The following CCDC148 variants were observed in gnomAD, a reference collection of about 807,000 sequenced individuals.
CCDC148 encodes the protein coiled-coil domain containing 148.
A neutral mutation model predicts 85.7 loss-of-function variants in CCDC148; 89 were observed. That is an observed-to-expected ratio of 1.04 (90% CI 0.87 to 1.24). CCDC148 has a LOEUF of 1.24. Among genes scored for constraint, CCDC148 ranks in the 50% most tolerant of loss-of-function variants. The pLI is 0.00. For missense variants in CCDC148, 692 were observed against 671.7 expected, an observed-to-expected ratio of 1.03 and a Z score of -0.33; for synonymous variants, 230 against 213.9, an observed-to-expected ratio of 1.08 and a Z score of -0.66.
chr2:158,315,995 C>A (rs561350209), intron 7 of CCDC148, among the ~76,000 whole-genome samples: 2 of 152,316 alleles, frequency 1.3e-5, no homozygotes, highest in Admixed American at 6.5e-5. Flanking sequence ...TCCTTCACAG[C>A]CCTCCCTCTG....
At chr2:158,278,207 C>T (rs889045188) in intron 9 of CCDC148, among the ~76,000 whole-genome samples, 23 of 152,196 alleles carry the variant, frequency 1.5e-4, no homozygotes, top group South Asian at 8.3e-4. Context: ...ACGCAGAAGA[C>T]GGGTGATTTC....
chr2:158,319,190 T>G (rs1270666226), intron 7 of CCDC148, among the ~76,000 whole-genome samples: 1 of 152,166 alleles, frequency 6.6e-6, no homozygotes, highest in African/African-American at 2.4e-5. Context: ...CTCCCACCCC[T>G]GCTCCTGCCC....
chr2:158,262,993 C>A (rs750994252), intron 9 of CCDC148, among the ~76,000 whole-genome samples: 4 of 152,014 alleles, frequency 2.6e-5, no homozygotes, highest in Non-Finnish European at 5.9e-5. Flanking sequence ...TACGTGATTT[C>A]AATAGGAAAC....
chr2:158,226,893 C>T (rs374759816), intron 10 of CCDC148, among the ~76,000 whole-genome samples: 5 of 152,230 alleles, frequency 3.3e-5, no homozygotes, highest in Admixed American at 1.3e-4. Context: ...TGAAAACTGG[C>T]ACAAGACAGG....
At chr2:158,261,309 T>C (rs1689212285) in intron 9 of CCDC148, among the ~76,000 whole-genome samples, 1 of 152,080 alleles carries the variant, frequency 6.6e-6, no homozygotes, top group Non-Finnish European at 1.5e-5. Context: ...GATAACTGGC[T>C]AGCCATATGC....
chr2:158,177,323 A>C (rs1160280505), intron 12 of CCDC148, among the ~76,000 whole-genome samples: 1 of 152,112 alleles, frequency 6.6e-6, no homozygotes, highest in Non-Finnish European at 1.5e-5. Context: ...TTTGTAAATG[A>C]TATGCACCAT....
In CCDC148 at chr2:158,243,863, C is replaced by T. The variant is rs143688728; in HGVS notation, c.1251+6909G>A. On this transcript the variant is annotated intron_variant, in intron 10 of 13. Coordinates refer to ENST00000283233, the MANE Select transcript of CCDC148 (RefSeq NM_138803.4). The stretch of plus-strand genomic sequence containing the variant: ...TCTCTTTTCTTTTTACTATAAGCAG[C>T]AGAAAGAATCCAGGTGGCACCTTCA... Among the ~76,000 whole-genome samples, 1,303 of 150,602 alleles carry T rather than the reference C, an allele frequency of 8.7e-3. 11 individuals carry two copies. Among genetic ancestry groups the T allele is most frequent in the South Asian group, 0.015 (71 of 4,662 alleles).
rs571977430 is a variant in CCDC148 at position 158,420,688 on chromosome 2, G to A, written c.25+35727C>T. Among the ~76,000 whole-genome samples, 16 of 152,076 alleles carry A rather than the reference G, an allele frequency of 1.1e-4. No homozygotes were observed. The East Asian group carries it at 2.3e-3, about 22-fold the overall frequency. ...GAAGAAACTGCATCAAGTAACGAGC[G>A]AAATAACCAGCTAACATCATAATGA... On this transcript the variant is annotated intron_variant, in intron 1 of 13. Coordinates refer to ENST00000283233, the MANE Select transcript of CCDC148 (RefSeq NM_138803.4).
intron 1 of CCDC148, among the ~76,000 whole-genome samples, chr2:158,383,708 C>T (rs1332032312): frequency 6.6e-6 from 1 of 152,104 alleles, no homozygotes; most frequent in African/African-American, 2.4e-5. Flanking sequence ...GCCCTGATTT[C>T]CCATCCCTCC....
intron 7 of CCDC148, among the ~76,000 whole-genome samples, chr2:158,327,540 G>T (rs1012975741): frequency 6.6e-6 from 1 of 151,998 alleles, no homozygotes; most frequent in Admixed American, 6.6e-5. Context: ...TTCATCCAAG[G>T]ATTTTGGATT....
intron 1 of CCDC148, among the ~76,000 whole-genome samples, chr2:158,362,980 G>T (rs1381897089): frequency 6.6e-6 from 1 of 151,888 alleles, no homozygotes; most frequent in African/African-American, 2.4e-5. Context: ...AATGATAAAG[G>T]GTATATCACC....
intron 11 of CCDC148, among the ~76,000 whole-genome samples, chr2:158,194,743 C>CT (rs1310430932): frequency 6.6e-6 from 1 of 152,050 alleles, no homozygotes; most frequent in Non-Finnish European, 1.5e-5. Context: ...TTGGATATTG[C>CT]TTTATGCTTT....
At chr2:158,427,132 A>G (rs1450392885) in intron 1 of CCDC148, among the ~76,000 whole-genome samples, 1 of 152,226 alleles carries the variant, frequency 6.6e-6, no homozygotes, top group Non-Finnish European at 1.5e-5. Flanking sequence ...TGGCTATACT[A>G]TAATTTCAAT....
chr2:158,197,876 T>A (rs1484356881), intron 11 of CCDC148, among the ~76,000 whole-genome samples: 1 of 152,188 alleles, frequency 6.6e-6, no homozygotes, highest in Non-Finnish European at 1.5e-5. Context: ...AATGCATTCA[T>A]TAACTGGTTA....
chr2:158,235,295 C>T (rs1184930257), intron 10 of CCDC148, among the ~76,000 whole-genome samples: 9 of 152,116 alleles, frequency 5.9e-5, no homozygotes, highest in African/African-American at 2.2e-4. Context: ...AATTCTATTC[C>T]TGTATCAGGT....
chr2:158,284,459 T>C (rs1421462190), intron 9 of CCDC148, among the ~76,000 whole-genome samples: 2 of 152,104 alleles, frequency 1.3e-5, no homozygotes, highest in African/African-American at 2.4e-5. Context: ...GAAATTTGGA[T>C]AGCTACTCCA....
At chr2:158,393,576 A>AG (rs1685406149) in intron 1 of CCDC148, among the ~76,000 whole-genome samples, 1 of 152,120 alleles carries the variant, frequency 6.6e-6, no homozygotes, top group Admixed American at 6.6e-5. Flanking sequence ...GCTACAGGTT[A>AG]GGGGGCCAAG....
At chr2:158,281,440 G>A (rs146441729) in intron 9 of CCDC148, among the ~76,000 whole-genome samples, 61,839 of 151,626 alleles carry the variant, frequency 0.41, 13,232 homozygotes, top group South Asian at 0.61. Context: ...AATGATAAAG[G>A]GGATATCACC....
intron 1 of CCDC148, among the ~76,000 whole-genome samples, chr2:158,408,092 G>C (rs1320643371): frequency 6.6e-6 from 1 of 152,054 alleles, no homozygotes; most frequent in Non-Finnish European, 1.5e-5. Context: ...GTATTTTTCT[G>C]CTTTATTGGA....
Sources: allele counts gnomAD v4.1 joint callset (sites outside exome capture counted in the v4.1 genomes callset), GRCh38; gene constraint gnomAD v4.1.1; transcripts MANE v1.5; gene names NCBI Gene and HGNC (gene_info 2026-07-23, HGNC 2026-07-21).